Variants in PRIM2 observed in about 807,000 individuals in gnomAD.
PRIM2 encodes DNA primase large subunit.
A neutral mutation model predicts 67.3 loss-of-function variants in PRIM2; 39 were observed. The observed-to-expected ratio is 0.58, with a 90% CI of 0.45 to 0.76. The LOEUF is 0.76. PRIM2 is among the 30% of genes least tolerant of loss of function. The pLI is 0.00. For synonymous variants in PRIM2, 143 were observed against 198.7 expected (o/e 0.72, Z 2.36); for missense variants, 398 against 598.7 (o/e 0.66, Z 3.50).
At chr6:57,267,390 A>T in the PRIM2 span, among the ~76,000 whole-genome samples, 3 of 152,128 alleles carry the variant, frequency 2.0e-5, no homozygotes, top group African/African-American at 7.2e-5. Context: ...CCATTAAAGG[A>T]TACATTGAGA....
intron 10 of PRIM2, among the ~76,000 whole-genome samples, chr6:57,592,509 A>G (rs1164284271): frequency 3.3e-5 from 5 of 152,274 alleles, no homozygotes; most frequent in Middle Eastern, 6.8e-3. Flanking sequence ...AAATAGGAGT[A>G]GTAGGCCAGG....
intron 10 of PRIM2, among the ~76,000 whole-genome samples, chr6:57,580,297 A>C (rs1776057251): frequency 2.6e-5 from 4 of 152,248 alleles, no homozygotes. Context: ...GACTCATTGC[A>C]CATAATAGTT....
At chr6:57,392,516 A>G (rs1331633670) in intron 7 of PRIM2, among the ~76,000 whole-genome samples, 2 of 152,048 alleles carry the variant, frequency 1.3e-5, no homozygotes, top group Non-Finnish European at 2.9e-5. Flanking sequence ...TCTTTCCTAA[A>G]TCCAAAGCTA....
At chr6:57,510,344 T>G (rs1275516562) in intron 8 of PRIM2, among the ~76,000 whole-genome samples, 3 of 152,178 alleles carry the variant, frequency 2.0e-5, no homozygotes, top group Non-Finnish European at 4.4e-5. Context: ...GTCAAAATTT[T>G]TTTCCTAGAA....
chr6:57,427,645 A>T (rs1401825807), intron 7 of PRIM2, among the ~76,000 whole-genome samples: 16 of 152,190 alleles, frequency 1.1e-4, no homozygotes. Context: ...ACAGCATCAC[A>T]TAGCAAATTT....
At chr6:57,542,935 T>A (rs1775193012) in intron 10 of PRIM2, among the ~76,000 whole-genome samples, 1 of 111,018 alleles carries the variant, frequency 9.0e-6, no homozygotes, top group African/African-American at 4.0e-5. Flanking sequence ...ATACTGCTTA[T>A]AGGATTTTTT....
chr6:57,381,834 C>T (rs940762692), intron 6 of PRIM2, 197 bp from the exon 7 acceptor site: 14 of 231,234 alleles, frequency 6.1e-5, no homozygotes, highest in African/African-American at 3.3e-4. Context: ...AACATCAACT[C>T]TGAAACGAAC....
At chr6:57,235,705 T>C in the PRIM2 span, among the ~76,000 whole-genome samples, 4 of 152,096 alleles carry the variant, frequency 2.6e-5, no homozygotes, top group African/African-American at 4.8e-5. Flanking sequence ...GATGGGGAGA[T>C]TGTGCTGGAT....
upstream of PRIM2, among the ~76,000 whole-genome samples, chr6:57,311,603 C>G (rs191631045): frequency 6.6e-6 from 1 of 152,108 alleles, no homozygotes; most frequent in African/African-American, 2.4e-5. Context: ...CAGGCAGAGA[C>G]GCTGCTCACT....
At chr6:57,544,508 C>T (rs1266543319) in intron 10 of PRIM2, among the ~76,000 whole-genome samples, 2 of 152,078 alleles carry the variant, frequency 1.3e-5, no homozygotes, top group Non-Finnish European at 2.9e-5. Context: ...TAAGTGAGTC[C>T]TATATATGTA....
intron 7 of PRIM2, among the ~76,000 whole-genome samples, chr6:57,501,688 T>C (rs1241051850): frequency 1.3e-5 from 2 of 152,244 alleles, no homozygotes; most frequent in African/African-American, 4.8e-5. Flanking sequence ...ATAACTAACC[T>C]ACCAGGAGCT....
At chr6:57,609,962 G>A (rs1290052843) in intron 12 of PRIM2, among the ~76,000 whole-genome samples, 2 of 152,044 alleles carry the variant, frequency 1.3e-5, no homozygotes, top group Non-Finnish European at 2.9e-5. Flanking sequence ...TTGAATGAGA[G>A]TTAAGAAAAA....
At chr6:57,595,718 C>T (rs2127489896) in intron 10 of PRIM2, among the ~76,000 whole-genome samples, 1 of 152,274 alleles carries the variant, frequency 6.6e-6, no homozygotes, top group East Asian at 1.9e-4. Flanking sequence ...AAGAAGTACT[C>T]TGGGTAAGAT....
the PRIM2 span, among the ~76,000 whole-genome samples, chr6:57,293,984 G>T: frequency 6.6e-6 from 1 of 151,912 alleles, no homozygotes; most frequent in Non-Finnish European, 1.5e-5. Context: ...AAAGAAAAAA[G>T]GTATTCCTTG....
the PRIM2 span, among the ~76,000 whole-genome samples, chr6:57,279,442 C>G: frequency 6.6e-6 from 1 of 151,990 alleles, no homozygotes; most frequent in South Asian, 2.1e-4. Flanking sequence ...TTCAGAGAAA[C>G]CTTGTGTGGA....
At chr6:57,279,615 C>T in the PRIM2 span, among the ~76,000 whole-genome samples, 2 of 151,924 alleles carry the variant, frequency 1.3e-5, no homozygotes, top group Non-Finnish European at 2.9e-5. Context: ...GTGGTGATGG[C>T]GGCGCTACAG....
chr6:57,272,822 A>G, the PRIM2 span, among the ~76,000 whole-genome samples: 6 of 152,064 alleles, frequency 3.9e-5, no homozygotes, highest in South Asian at 4.2e-4. Context: ...GGCAGGCCTG[A>G]TGGTGACAAA....
intron 7 of PRIM2, among the ~76,000 whole-genome samples, chr6:57,426,078 G>A (rs1771615378): frequency 6.6e-6 from 1 of 152,060 alleles, no homozygotes; most frequent in African/African-American, 2.4e-5. Flanking sequence ...CTCATGTCGT[G>A]TCTACTCATA....
At chr6:57,288,163 G>A in the PRIM2 span, among the ~76,000 whole-genome samples, 3 of 152,280 alleles carry the variant, frequency 2.0e-5, no homozygotes, top group South Asian at 2.1e-4. Context: ...ACGGAGCCTT[G>A]TTCACTGTTA....
Sources: gnomAD v4.1 joint callset for allele counts (sites outside exome capture counted in the v4.1 genomes callset) on GRCh38, gnomAD v4.1.1 for gene constraint, MANE v1.5 for transcripts, NCBI Gene and HGNC (gene_info 2026-07-23, HGNC 2026-07-21) for gene names.